The following CLHC1 variants were observed in gnomAD, a reference collection of about 807,000 sequenced individuals.
The protein encoded by CLHC1 is clathrin heavy chain linker domain containing 1.
In CLHC1, 72 loss-of-function variants were observed where a neutral mutation model predicts 69.5. The observed-to-expected ratio is 1.04, with a 90% CI of 0.86 to 1.26. CLHC1 has a LOEUF of 1.26. Ranked by LOEUF, CLHC1 falls within the 50% of genes most tolerant of loss-of-function variation. The pLI is 0.00. For missense variants in CLHC1, 790 were observed against 679.3 expected (o/e 1.16, Z -1.81); for synonymous variants, 223 against 224.3 (o/e 0.99, Z 0.05).
Position 55,177,643 on chromosome 2 carries a change from A to G in CLHC1, c.1523T>C (p.Val508Ala), listed in dbSNP as rs1413074779. Reference sequence around the variant, plus strand: ...GATTTCTTGAAGTAGCTTAATGCCAACTTTTTTCATGTCTGCAGAGAACAG... The same window carrying G: ...GATTTCTTGAAGTAGCTTAATGCCAGCTTTTTTCATGTCTGCAGAGAACAG... Reference protein sequence around the residue: ...LHLFSADMKKVGIKLLQEINK... With the variant: ...LHLFSADMKKAGIKLLQEINK... The change falls in exon 12 of 13, where the codon GTT becomes GCT. Residue 508 changes from valine to alanine, a missense_variant. Physicochemically the swap from Val to Ala is moderately conservative, Grantham distance 64. Coordinates refer to ENST00000401408, the MANE Select transcript of CLHC1 (RefSeq NM_152385.4). The G allele has an allele frequency of 6.2e-7, 1 of 1,608,630 alleles. No individual in the cohort carries two copies. The highest frequency in any genetic ancestry group is 1.7e-5 in the Admixed American group (1 of 59,130).
At position 55,181,640 on chromosome 2, in the gene CLHC1, G is replaced by T. The variant is rs74621782; in HGVS notation, c.1111C>A (p.Leu371Met). 2.7e-3 allele frequency: 4,373 copies of T among 1,613,670 alleles called. 117 individuals are homozygous for T. In the African/African-American group the frequency reaches 0.052, roughly 19 times the overall value. The change falls in exon 10 of 13, where the codon CTG becomes ATG. Residue 371 changes from leucine (L) to methionine (M), a missense_variant. By Grantham distance (15) the Leu-to-Met change is conservative. Coordinates refer to ENST00000401408, the MANE Select transcript of CLHC1 (RefSeq NM_152385.4). ...GATAATCCACATTTGATTCCTTCCA[G>T]GGTTAGAGCTGCATCAACAGGACAT... ...FPCPVDAALTLEGIKCGLSEK... is the reference protein window; with the variant it reads ...FPCPVDAALTMEGIKCGLSEK...
chr2:55,213,183 TTC>T (rs1673175736), intron 4 of CLHC1, among the ~76,000 whole-genome samples: 1 of 152,242 alleles, frequency 6.6e-6, no homozygotes, highest in Non-Finnish European at 1.5e-5. Flanking sequence ...CAGAAATTTA[TTC>T]TCTTACAATT....
At chr2:55,181,408 C>T (rs903628030) in intron 10 of CLHC1, among the ~76,000 whole-genome samples, 162 bp downstream of exon 10, 3 of 152,198 alleles carry the variant, frequency 2.0e-5, no homozygotes, top group African/African-American at 4.8e-5. Flanking sequence ...GGATTAGAGG[C>T]ATGAGCCACC....
chr2:55,225,246 A>G (rs1048360901), intron 2 of CLHC1: 1 of 152,544 alleles, frequency 6.6e-6, no homozygotes, highest in Admixed American at 6.5e-5. Flanking sequence ...GGCGCAAGGT[A>G]GGTGGCTGCA....
chr2:55,188,660 A>C (rs1670641032), intron 9 of CLHC1, among the ~76,000 whole-genome samples: 2 of 152,200 alleles, frequency 1.3e-5, no homozygotes, highest in Admixed American at 1.3e-4. Context: ...AAAATTGTTT[A>C]TAATAGCCCC....
chr2:55,208,407 C>T (rs1672642969), intron 8 of CLHC1, among the ~76,000 whole-genome samples: 1 of 152,136 alleles, frequency 6.6e-6, no homozygotes, highest in Admixed American at 6.5e-5. Context: ...AGAGGTATCA[C>T]TATCTCATGT....
At chr2:55,223,549 C>A in intron 2 of CLHC1, among the ~76,000 whole-genome samples, 1 of 152,216 alleles carries the variant, frequency 6.6e-6, no homozygotes, top group South Asian at 2.1e-4. Flanking sequence ...TCGGCGCGAC[C>A]GCTCTCGGCT....
intron 9 of CLHC1, among the ~76,000 whole-genome samples, chr2:55,200,828 A>G (rs1671880399): frequency 6.6e-6 from 1 of 152,202 alleles, no homozygotes; most frequent in Admixed American, 6.5e-5. Context: ...AATATCAAGC[A>G]TCTTCTCTGA....
chr2:55,229,469 G>A (rs1162462406), intron 1 of CLHC1, among the ~76,000 whole-genome samples: 3 of 152,140 alleles, frequency 2.0e-5, no homozygotes, highest in African/African-American at 7.2e-5. Flanking sequence ...GAGGGCCCGT[G>A]GGGCTAGAAG....
chr2:55,180,772 G>C (rs150729882), intron 10 of CLHC1, 60 bp from the exon 11 acceptor site: 6 of 1,365,058 alleles, frequency 4.4e-6, no homozygotes. Flanking sequence ...GGCTGAGACT[G>C]AAATATTTGA....
At chr2:55,203,186 C>T (rs560433708) in intron 9 of CLHC1, among the ~76,000 whole-genome samples, 58 of 152,186 alleles carry the variant, frequency 3.8e-4, no homozygotes, top group Middle Eastern at 6.8e-3. Flanking sequence ...GAAACATATG[C>T]CATATTCATG....
intron 9 of CLHC1, among the ~76,000 whole-genome samples, chr2:55,183,680 G>T (rs1466179569): frequency 6.6e-6 from 1 of 152,170 alleles, no homozygotes; most frequent in Admixed American, 6.5e-5. Context: ...AAGTGGCATG[G>T]TGCTAAAAAC....
chr2:55,216,206 G>T (rs1673487554), intron 4 of CLHC1: 1 of 150,450 alleles, frequency 6.6e-6, no homozygotes, highest in Admixed American at 6.6e-5. Flanking sequence ...AGAATCGGTT[G>T]AATCTGGGAG....
At chr2:55,177,415 A>G (rs1669492644) in intron 12 of CLHC1, among the ~76,000 whole-genome samples, 187 bp downstream of exon 12, 1 of 152,214 alleles carries the variant, frequency 6.6e-6, no homozygotes, top group Non-Finnish European at 1.5e-5. Flanking sequence ...TAATTCTCTC[A>G]AGAAATATAT....
intron 9 of CLHC1, among the ~76,000 whole-genome samples, chr2:55,189,923 C>A (rs1175072804): frequency 6.6e-6 from 1 of 152,170 alleles, no homozygotes; most frequent in Non-Finnish European, 1.5e-5. Flanking sequence ...AAACACTGCT[C>A]CAGTCCTGCC....
In CLHC1 at chr2:55,175,860, G is replaced by A; in HGVS notation, c.1691C>T (p.Ser564Phe). ...LSNDITSILRSQAAVTEISEE... is the reference protein window; with the variant it reads ...LSNDITSILRFQAAVTEISEE... ...AGAAATTTCTGTAACTGCAGCCTGA[G>A]ATCGAAGAATAGACGTGATGTCATT... The change falls in exon 13 of 13, where the codon TCT becomes TTT. Residue 564 changes from serine to phenylalanine, a missense_variant. Transcript: ENST00000401408. 3 of 1,614,026 alleles carry A rather than the reference G, an allele frequency of 1.9e-6. No homozygotes were observed. The highest frequency in any genetic ancestry group is 2.5e-6 in the Non-Finnish European group (3 of 1,179,934).
At chr2:55,228,469 C>CCATTCATT (rs373692544) in intron 1 of CLHC1, among the ~76,000 whole-genome samples, 11 of 152,190 alleles carry the variant, frequency 7.2e-5, no homozygotes, top group African/African-American at 2.2e-4. Context: ...ACCAAGATTA[C>CCATTCATT]CATTCATTCA....
rs915906359 is a variant in CLHC1, at chr2:55,222,490, A to G, written c.-79T>C. 9.7e-7 allele frequency: 1 copy of G among 1,034,962 alleles called. No homozygotes were observed. Among genetic ancestry groups the G allele is most frequent in the Non-Finnish European group, 1.4e-6 (1 of 708,992 alleles). The allele number at this position is 1,034,962 out of a possible 1,614,324, so 64.1% of individuals were successfully genotyped here. A position where few individuals can be genotyped will look rare whatever the true frequency, so the allele number is the denominator to read the frequency against. ...CTTGCAACAAAGCCAAAACTTTGAT[A>G]AGCCTGAAAGAAAAAAAGAGCATCA... On this transcript the variant is annotated 5_prime_UTR_variant, in exon 3 of 13. Transcript: ENST00000401408.
intron 3 of CLHC1, chr2:55,218,377 C>G (rs1229665763): frequency 1.3e-5 from 2 of 154,856 alleles, no homozygotes; most frequent in Non-Finnish European, 2.9e-5. Context: ...TAGTCTCTAA[C>G]TTCACTTAAA....
Sources: gnomAD v4.1 joint callset for allele counts (sites outside exome capture counted in the v4.1 genomes callset) on GRCh38, gnomAD v4.1.1 for gene constraint, MANE v1.5 for transcripts, NCBI Gene and HGNC (gene_info 2026-07-23, HGNC 2026-07-21) for gene names.